CAPN1: variants seen among roughly 807,000 people sequenced by gnomAD.
CAPN1 encodes the protein calpain-1 catalytic subunit.
Under a neutral mutation model 105.2 loss-of-function variants are expected in CAPN1, and 77 were observed. The ratio of observed to expected loss-of-function variants is 0.73; its 90% CI spans 0.61 to 0.88. The LOEUF is 0.88. Ranked by LOEUF, CAPN1 falls within the 40% of genes least tolerant of loss-of-function variation. CAPN1 has a pLI of 0.00. For missense variants in CAPN1, 833 were observed against 976.6 expected, an observed-to-expected ratio of 0.85 and a Z score of 1.96; for synonymous variants, 355 against 388.8, an observed-to-expected ratio of 0.91 and a Z score of 1.02.
rs3832790 is a variant in CAPN1 at position 65,187,410 on chromosome 11, TC to T, written c.843+114del. ...GAAGGTGCTGGCTCCTCCTTTCCCC[TC>T]CTGCAGCACCTTATCTCTCTTCTGG... On this transcript the variant is annotated intron_variant, in intron 7 of 21. Transcript: ENST00000279247. The T allele has an allele frequency of 0.28, 194,020 of 702,594 alleles. 29,105 individuals carry two copies. The highest frequency in any genetic ancestry group is 0.37 in the Admixed American group (16,443 of 44,028). The allele number at this position is 702,594 out of a possible 1,614,324, so 43.5% of individuals were successfully genotyped here.
chr11:65,206,945 C>T, intron 14 of CAPN1, 126 bp downstream of exon 14: 1 of 868,916 alleles, frequency 1.2e-6, no homozygotes, highest in Non-Finnish European at 1.8e-6. Context: ...TGGTGGAAGC[C>T]ATAGGAGTAG....
intron 10 of CAPN1, among the ~76,000 whole-genome samples, chr11:65,193,962 A>ATTTTTTT (rs60784154): frequency 1.3e-5 from 1 of 76,204 alleles, no homozygotes; most frequent in Non-Finnish European, 2.5e-5. Context: ...CTTTGGATTG[A>ATTTTTTT]TTTTTTTTTT....
chr11:65,201,546 C>T (rs1474826181), intron 10 of CAPN1, among the ~76,000 whole-genome samples: 8 of 152,090 alleles, frequency 5.3e-5, no homozygotes. Context: ...GAGACGGAGT[C>T]TCGCTCTGTC....
intron 10 of CAPN1, among the ~76,000 whole-genome samples, chr11:65,203,975 GTTGT>G (rs1221021462): frequency 6.6e-6 from 1 of 152,100 alleles, no homozygotes; most frequent in African/African-American, 2.4e-5. Flanking sequence ...CCCGCACTGG[GTTGT>G]TTTAGTCAAG....
chr11:65,186,532 A>C, intron 6 of CAPN1, among the ~76,000 whole-genome samples, 194 bp downstream of exon 6: 2 of 146,432 alleles, frequency 1.4e-5, no homozygotes, highest in African/African-American at 2.5e-5. Flanking sequence ...TCACCTACCC[A>C]CTCCTCCCCC....
Position 65,209,698 on chromosome 11 carries a change from C to A in CAPN1, c.1795-151C>A. On this transcript the variant is annotated intron_variant, in intron 17 of 21. Coordinates refer to ENST00000279247, the MANE Select transcript of CAPN1 (RefSeq NM_005186.4). The surrounding 1 kb of genome is among the most constrained non-coding windows in gnomAD (Gnocchi z 4.1). ...AGCTCAGAGAATAAGGCAAGCCCGG[C>A]TGTGGGCTGACTGTACATGGCTTTT... is the stretch of plus-strand genomic sequence containing the variant. 5.2e-6 allele frequency: 4 copies of A among 765,132 alleles called. No homozygotes were observed. The highest frequency in any genetic ancestry group is 2.3e-5 in the Admixed American group (1 of 44,236). The allele number at this position is 765,132 out of a possible 1,614,324, so 47.4% of individuals were successfully genotyped here.
In CAPN1 at chr11:65,209,097, T is replaced by C. The variant is rs1590867262; in HGVS notation, c.1730-226T>C. On this transcript the variant is annotated intron_variant, in intron 16 of 21. Transcript: ENST00000279247. This position sits in a 1 kb window ranked among gnomAD's most constrained non-coding sequence, Gnocchi z 4.1. The stretch of plus-strand genomic sequence containing the variant: ...CGCTCTTCTGTTTCACACTCATTTC[T>C]TTTTACTTTGGACTAATTGTGGCTG... 2 of 586,326 alleles carry C rather than the reference T, an allele frequency of 3.4e-6. No homozygotes were observed. The highest frequency in any genetic ancestry group is 5.7e-5 in the East Asian group (2 of 35,268). The allele number at this position is 586,326 out of a possible 1,614,324, so 36.3% of individuals were successfully genotyped here.
chr11:65,187,851 C>T lies in CAPN1; in HGVS notation c.844-104C>T, dbSNP rs1319342064. 17 of 759,038 alleles carry T rather than the reference C, an allele frequency of 2.2e-5. No homozygotes were observed. In the East Asian group the frequency reaches 4.4e-4, roughly 20 times the overall value. 47.0% of individuals were successfully genotyped at this position (759,038 alleles called of 1,614,324 possible). On this transcript the variant is annotated intron_variant, in intron 7 of 21. Transcript: ENST00000279247. ...AGGTTGCAGTGAGCTGAGATCGCAC[C>T]ACTGCACTCCAGCCTGGGTGACAGA...
rs1046461820 is a variant in CAPN1 at position 65,208,889 on chromosome 11, A to G, written c.1730-434A>G. 8.3e-5 allele frequency: 19 copies of G among 230,256 alleles called. No homozygotes were observed. In the South Asian group the frequency reaches 1.1e-3, roughly 13 times the overall value. The allele number at this position is 230,256 out of a possible 1,614,324, so 14.3% of individuals were successfully genotyped here. On this transcript the variant is annotated intron_variant, in intron 16 of 21. Transcript: ENST00000279247. This position sits in a 1 kb window ranked among gnomAD's most constrained non-coding sequence, Gnocchi z 4.1. ...TGGGGAACACCACGTGACTGGCTTCACTCCCCAGGGCAGACAACTGCTGGC... is the reference window on the plus strand; with the variant it reads ...TGGGGAACACCACGTGACTGGCTTCGCTCCCCAGGGCAGACAACTGCTGGC...
chr11:65,211,085 A>T, intron 21 of CAPN1, 175 bp from the exon 22 acceptor site: 1 of 778,926 alleles, frequency 1.3e-6, no homozygotes, highest in East Asian at 2.7e-5. Flanking sequence ...GGAGGCCCCT[A>T]TGGGAGCAGC....
At chr11:65,187,087 C>T in intron 6 of CAPN1, 128 bp from the exon 7 acceptor site, 1 of 678,506 alleles carries the variant, frequency 1.5e-6, no homozygotes, top group East Asian at 2.7e-5. Context: ...GGATCGGGGT[C>T]CCTGCTTGCT....
At chr11:65,187,393 T>C in intron 7 of CAPN1, 95 bp downstream of exon 7, 2 of 809,022 alleles carry the variant, frequency 2.5e-6, no homozygotes, top group Non-Finnish European at 4.1e-6. Flanking sequence ...TGGAAGGTGC[T>C]GGCTCCTCCT....
Position 65,210,197 on chromosome 11 carries a change from G to A in CAPN1, c.1942+101G>A. Reference sequence around the variant, plus strand: ...TCCCTGGGGTGCTAGTGGTGACATGGTAACAGCCATCTTGTCCTTTTCCCC... The same window carrying A: ...TCCCTGGGGTGCTAGTGGTGACATGATAACAGCCATCTTGTCCTTTTCCCC... On this transcript the variant is annotated intron_variant, in intron 19 of 21. Transcript: ENST00000279247. This position sits in a 1 kb window ranked among gnomAD's most constrained non-coding sequence, Gnocchi z 4.3. The A allele has an allele frequency of 8.5e-7, 1 of 1,181,898 alleles. No individual in the cohort carries two copies. The highest frequency in any genetic ancestry group is 1.3e-6 in the Non-Finnish European group (1 of 794,964). The allele number at this position is 1,181,898 out of a possible 1,614,324, so 73.2% of individuals were successfully genotyped here. A position where few individuals can be genotyped will look rare whatever the true frequency, so the allele number is the denominator to read the frequency against.
chr11:65,188,003 T>TG lies in CAPN1; in HGVS notation c.896dup (p.Glu300ArgfsTer22). 6.4e-7 allele frequency: 1 copy of TG among 1,561,094 alleles called. No individual in the cohort carries two copies. Among genetic ancestry groups the TG allele is most frequent in the Non-Finnish European group, 8.7e-7 (1 of 1,152,706 alleles). On this transcript the variant is annotated frameshift_variant, in exon 8 of 22. Transcript: ENST00000279247. LOFTEE classifies it high-confidence loss of function. This position sits in a 1 kb window ranked among gnomAD's most constrained non-coding sequence, Gnocchi z 5.5. Reference sequence around the variant, plus strand: ...GAGCCTGATCCGGATGCGGAACCCCTGGGGCGAGGTGGAGTGGACGGGAGC... The same window carrying TG: ...GAGCCTGATCCGGATGCGGAACCCCTGGGGGCGAGGTGGAGTGGACGGGAGC...
chr11:65,211,210 G>C, intron 21 of CAPN1, 50 bp from the exon 22 acceptor site: 13 of 1,607,168 alleles, frequency 8.1e-6, no homozygotes, highest in Non-Finnish European at 1.1e-5. Context: ...TGGGGAAGAA[G>C]CCAGGGAGCC....
chr11:65,183,225 G>A, intron 3 of CAPN1, 28 bp downstream of exon 3: 2 of 1,607,822 alleles, frequency 1.2e-6, no homozygotes, highest in Non-Finnish European at 1.7e-6. Context: ...CGGGTCCCGG[G>A]TATTTTTTCC....
At chr11:65,204,083 C>G (rs2137379017) in intron 10 of CAPN1, among the ~76,000 whole-genome samples, 1 of 152,296 alleles carries the variant, frequency 6.6e-6, no homozygotes, top group Non-Finnish European at 1.5e-5. Context: ...CGGACCCCTG[C>G]TTTTTCTCTT....
In CAPN1 at chr11:65,188,322, C is replaced by G. The variant is rs559491494; in HGVS notation, c.930-92C>G. On this transcript the variant is annotated intron_variant, in intron 8 of 21. Transcript: ENST00000279247. This position sits in a 1 kb window ranked among gnomAD's most constrained non-coding sequence, Gnocchi z 5.5. ...CTTGAGGAGGCCACCTGGGCTGGGC[C>G]GGGGGAAGACAGGCCAGGGTAGACA... The G allele has an allele frequency of 5.0e-6, 6 of 1,193,098 alleles. No homozygotes were observed. The highest frequency in any genetic ancestry group is 5.1e-5 in the East Asian group (2 of 39,380). The allele number at this position is 1,193,098 out of a possible 1,614,324, so 73.9% of individuals were successfully genotyped here.
chr11:65,187,140 C>A, intron 6 of CAPN1, 75 bp from the exon 7 acceptor site: 2 of 1,092,078 alleles, frequency 1.8e-6, no homozygotes, highest in Non-Finnish European at 2.8e-6. Context: ...ACGTCCAAGA[C>A]CCTGAGTGCT....
Sources: gnomAD v4.1 joint callset for allele counts (sites outside exome capture counted in the v4.1 genomes callset) on GRCh38, gnomAD v4.1.1 for gene constraint, Gnocchi (gnomAD v3.1) non-coding constraint, MANE v1.5 for transcripts, NCBI Gene and HGNC (gene_info 2026-07-23, HGNC 2026-07-21) for gene names.